The following RIMBP2 variants were observed in gnomAD, a reference collection of about 807,000 sequenced individuals.
RIMBP2 encodes RIMS binding protein 2.
A neutral mutation model predicts 118.6 loss-of-function variants in RIMBP2; 48 were observed. The ratio of observed to expected loss-of-function variants is 0.40; its 90% CI spans 0.32 to 0.51. RIMBP2 has a LOEUF of 0.51. Among genes scored for constraint, RIMBP2 ranks in the 20% least tolerant of loss-of-function variants. RIMBP2 has a pLI of 0.41. For missense variants in RIMBP2, 1,551 were observed against 1,768.3 expected, an observed-to-expected ratio of 0.88 and a Z score of 2.20; for synonymous variants, 762 against 742.9, an observed-to-expected ratio of 1.03 and a Z score of -0.42.
intron 2 of RIMBP2, among the ~76,000 whole-genome samples, chr12:130,582,368 G>A (rs889835697): frequency 1.3e-5 from 2 of 152,188 alleles, no homozygotes; most frequent in African/African-American, 4.8e-5. Context: ...AGAAGTGGGA[G>A]CTCAGAGAAG....
At chr12:130,546,925 C>T (rs1593746748) in intron 2 of RIMBP2, among the ~76,000 whole-genome samples, 1 of 152,158 alleles carries the variant, frequency 6.6e-6, no homozygotes, top group Admixed American at 6.5e-5. Flanking sequence ...GAGAGGCTGG[C>T]CCTGTGAGAT....
chr12:130,682,476 C>A (rs1454529855), intron 1 of RIMBP2, among the ~76,000 whole-genome samples: 1 of 152,254 alleles, frequency 6.6e-6, no homozygotes, highest in East Asian at 1.9e-4. Context: ...ACCTGACTAA[C>A]ACCAGCGCCG....
chr12:130,537,082 AT>A (rs2054147297), intron 2 of RIMBP2, among the ~76,000 whole-genome samples: 1 of 152,190 alleles, frequency 6.6e-6, no homozygotes, highest in East Asian at 1.9e-4. Flanking sequence ...GAAAACTCTC[AT>A]TAAGGAGGCA....
Position 130,581,148 on chromosome 12 carries a change from G to A in RIMBP2, c.-217+47174C>T, listed in dbSNP as rs1307619412. Among the ~76,000 whole-genome samples, 1 of 152,118 alleles carries A rather than the reference G, an allele frequency of 6.6e-6. No individual in the cohort carries two copies. The highest frequency in any genetic ancestry group is 1.5e-5 in the Non-Finnish European group (1 of 68,030). On this transcript the variant is annotated intron_variant, in intron 2 of 22. Coordinates refer to ENST00000690449, the MANE Select transcript of RIMBP2 (RefSeq NM_001393629.1). This position sits in a 1 kb window ranked among gnomAD's most constrained non-coding sequence, Gnocchi z 4.4. Reference sequence around the variant, plus strand: ...TGGTTTCCAAGACAGGCAGGTCCTGGACAGAGCAGTGTGTTTGTCACATAC... The same window carrying A: ...TGGTTTCCAAGACAGGCAGGTCCTGAACAGAGCAGTGTGTTTGTCACATAC...
At chr12:130,499,635 C>T (rs1425823943) in intron 4 of RIMBP2, among the ~76,000 whole-genome samples, 2 of 152,164 alleles carry the variant, frequency 1.3e-5, no homozygotes, top group Non-Finnish European at 2.9e-5. Flanking sequence ...GGCATTCACC[C>T]TCTGCCCCAG....
intron 9 of RIMBP2, among the ~76,000 whole-genome samples, chr12:130,448,212 G>A (rs964985343): frequency 2.6e-5 from 4 of 152,286 alleles, no homozygotes; most frequent in South Asian, 2.1e-4. Flanking sequence ...GCTGTGACTG[G>A]TGATGGCCAC....
At chr12:130,594,468 G>A (rs2059441699) in intron 2 of RIMBP2, among the ~76,000 whole-genome samples, 1 of 152,148 alleles carries the variant, frequency 6.6e-6, no homozygotes, top group East Asian at 1.9e-4. Context: ...TTAAGGCAGG[G>A]GTGTCCAACC....
Position 130,434,774 on chromosome 12 carries a change from G to A in RIMBP2, c.2213C>T (p.Ser738Leu), listed in dbSNP as rs756866703. The A allele has an allele frequency of 2.5e-5, 41 of 1,613,640 alleles. No individual in the cohort carries two copies. In the Middle Eastern group the frequency reaches 5.0e-4, roughly 20 times the overall value. Residue 738 changes from serine to leucine, a missense_variant, in exon 14 of 23, where the codon TCG (serine) becomes TTG (leucine). Around this residue, in one of 5 missense-constraint regions of RIMBP2, gnomAD observed 1,038 missense variants for 1,125.1 expected, o/e 0.92. Transcript: ENST00000690449. This position sits in a 1 kb window ranked among gnomAD's most constrained non-coding sequence, Gnocchi z 5.7. ...DSPDFKRRGASVDDFLKGSEL... is the reference protein window; with the variant it reads ...DSPDFKRRGALVDDFLKGSEL... ...AGAGCCTTTCAGGAAGTCGTCCACC[G>A]AGGCGCCCCTCCTCTTGAAGTCTGG...
intron 4 of RIMBP2, among the ~76,000 whole-genome samples, chr12:130,483,573 C>T (rs1026017493): frequency 6.6e-6 from 1 of 152,058 alleles, no homozygotes; most frequent in African/African-American, 2.4e-5. Flanking sequence ...CAAAGGCTCA[C>T]ACCAGAGACA....
At chr12:130,454,788 G>A (rs1312291066) in intron 7 of RIMBP2, among the ~76,000 whole-genome samples, 1 of 152,340 alleles carries the variant, frequency 6.6e-6, no homozygotes, top group South Asian at 2.1e-4. Flanking sequence ...TGTCCCGGGA[G>A]CTTTGCAGCG....
At chr12:130,566,442 C>T (rs1330242051) in intron 2 of RIMBP2, among the ~76,000 whole-genome samples, 2 of 152,176 alleles carry the variant, frequency 1.3e-5, no homozygotes, top group Non-Finnish European at 1.5e-5. Context: ...AGCTGTGATA[C>T]GTCGCTTCTG....
chr12:130,500,616 C>A (rs771213855), intron 4 of RIMBP2, among the ~76,000 whole-genome samples: 3 of 151,446 alleles, frequency 2.0e-5, no homozygotes, highest in Admixed American at 6.6e-5. Context: ...AACAAAAAAG[C>A]CAGCATATGA....
intron 2 of RIMBP2, among the ~76,000 whole-genome samples, chr12:130,549,271 A>G (rs867902149): frequency 3.9e-5 from 6 of 152,214 alleles, no homozygotes; most frequent in Admixed American, 3.3e-4. Flanking sequence ...TCTGATGCCC[A>G]TCCCGGGGGA....
chr12:130,460,871 G>C (rs761550126), intron 6 of RIMBP2, among the ~76,000 whole-genome samples: 1 of 152,098 alleles, frequency 6.6e-6, no homozygotes, highest in Non-Finnish European at 1.5e-5. Flanking sequence ...CTTGAGCCCC[G>C]TCCCACAGTC....
At chr12:130,591,964 G>A (rs4759733) in intron 2 of RIMBP2, among the ~76,000 whole-genome samples, 51,037 of 152,044 alleles carry the variant, frequency 0.34, 10,296 homozygotes, top group Admixed American at 0.5. Context: ...GCCGAGCCAC[G>A]TCCCAGGCCT....
In RIMBP2 at chr12:130,396,458, A is replaced by G. The variant is rs2074084639; in HGVS notation, c.*903T>C. 1.3e-5 allele frequency: 2 copies of G among 152,654 alleles called. No homozygotes were observed. Among genetic ancestry groups the G allele is most frequent in the Non-Finnish European group, 2.9e-5 (2 of 68,046 alleles). The allele number at this position is 152,654 out of a possible 1,614,324, so 9.5% of individuals were successfully genotyped here. A position where few individuals can be genotyped will look rare whatever the true frequency, so the allele number is the denominator to read the frequency against. On this transcript the variant is annotated 3_prime_UTR_variant, in exon 23 of 23. Coordinates refer to ENST00000690449, the MANE Select transcript of RIMBP2 (RefSeq NM_001393629.1). ...AACTTTGTAAGTAAGTCTTTTGTTC[A>G]AATGCCAATGATGAAGATGGGTATG...
chr12:130,547,134 A>G (rs1277527741), intron 2 of RIMBP2, among the ~76,000 whole-genome samples: 1 of 152,188 alleles, frequency 6.6e-6, no homozygotes, highest in Non-Finnish European at 1.5e-5. Context: ...TGTCTTCTCT[A>G]TTCTTTAAAC....
At chr12:130,437,422 A>C in intron 12 of RIMBP2, 131 bp from the exon 13 acceptor site, 4 of 718,830 alleles carry the variant, frequency 5.6e-6, no homozygotes, top group South Asian at 1.8e-5. Context: ...GACTCCAACC[A>C]CCCGCCAGGT....
rs183930421 is a variant in RIMBP2, at chr12:130,424,513, C to G, written c.2758G>C (p.Gly920Arg). 3.2e-6 allele frequency: 4 copies of G among 1,232,010 alleles called. No individual in the cohort carries two copies. The highest frequency in any genetic ancestry group is 1.5e-5 in the African/African-American group (1 of 64,526). 76.3% of individuals were successfully genotyped at this position (1,232,010 alleles called of 1,614,324 possible). A position where few individuals can be genotyped will look rare whatever the true frequency, so the allele number is the denominator to read the frequency against. ...SRSATRSPDS[G>R]LDCGSEEDES... The stretch of plus-strand genomic sequence containing the variant: ...TCCTCTTCACTCCCACAGTCCAGGC[C>G]GCTGTCCGGGCTCCGGGTGGCCGAG... The change falls in exon 16 of 23, where the codon GGC becomes CGC. Residue 920 changes from glycine to arginine, a missense_variant. By Grantham distance (125) the Gly-to-Arg change is moderately radical. Around this residue, in one of 5 missense-constraint regions of RIMBP2, gnomAD observed 1,038 missense variants for 1,125.1 expected, o/e 0.92. Coordinates refer to ENST00000690449, the MANE Select transcript of RIMBP2 (RefSeq NM_001393629.1). This position sits in a 1 kb window ranked among gnomAD's most constrained non-coding sequence, Gnocchi z 9.8.
Sources: gnomAD v4.1 joint callset for allele counts (sites outside exome capture counted in the v4.1 genomes callset) on GRCh38, gnomAD v4.1.1 for gene constraint, gnomAD v4.1.1 regional missense constraint, Gnocchi (gnomAD v3.1) non-coding constraint, MANE v1.5 for transcripts, NCBI Gene and HGNC (gene_info 2026-07-23, HGNC 2026-07-21) for gene names.